CTSD: variants seen among roughly 807,000 people sequenced by gnomAD.
CTSD encodes cathepsin D.
Under a neutral mutation model 43.6 loss-of-function variants are expected in CTSD, and 28 were observed. The ratio of observed to expected loss-of-function variants is 0.64; its 90% CI spans 0.48 to 0.88. The LOEUF (loss-of-function observed/expected upper bound fraction) is 0.88, where lower values mean the gene tolerates loss of function less well. Among genes scored for constraint, CTSD ranks in the 40% least tolerant of loss-of-function variants. The pLI is 0.00. For missense variants in CTSD, 485 were observed against 555.2 expected, an observed-to-expected ratio of 0.87 and a Z score of 1.27; for synonymous variants, 270 against 249.8, an observed-to-expected ratio of 1.08 and a Z score of -0.76.
chr11:1,755,726 G>A (rs1845801370), intron 5 of CTSD, among the ~76,000 whole-genome samples: 1 of 152,166 alleles, frequency 6.6e-6, no homozygotes, highest in African/African-American at 2.4e-5. Flanking sequence ...CCGCCAGAGC[G>A]TCTGCAGCTA....
chr11:1,756,156 C>T (rs1305966880), intron 5 of CTSD, among the ~76,000 whole-genome samples: 1 of 152,094 alleles, frequency 6.6e-6, no homozygotes, highest in East Asian at 1.9e-4. Context: ...GCCCCTCCCC[C>T]ACATGGGCAT....
At chr11:1,762,955 C>T (rs1845900614) in intron 1 of CTSD, 1 of 152,512 alleles carries the variant, frequency 6.6e-6, no homozygotes, top group East Asian at 1.9e-4. Flanking sequence ...CATCGCAGAT[C>T]CCAGGTCTCC....
Position 1,757,402 on chromosome 11 carries a change from T to C in CTSD, c.626A>G (p.Asn209Ser), listed in dbSNP as rs1261670405. ...GTTGTCGAAGACGGGCAGCACGTTG[T>C]TGACGGAGATGCGGGGGTAGGCCAT... The part of the protein sequence containing the change: ...LGMAYPRISV[N>S]NVLPVFDNLM... The change falls in exon 5 of 9, where the codon AAC becomes AGC. Residue 209 changes from asparagine (N) to serine (S), a missense_variant. Coordinates refer to ENST00000236671, the MANE Select transcript of CTSD (RefSeq NM_001909.5). 1 of 1,614,048 alleles carries C rather than the reference T, an allele frequency of 6.2e-7. No individual in the cohort carries two copies.
chr11:1,753,723 C>A, intron 8 of CTSD, 53 bp from the exon 9 acceptor site: 4 of 1,609,872 alleles, frequency 2.5e-6, no homozygotes, highest in Non-Finnish European at 3.4e-6. Context: ...CGCCCCCCCA[C>A]CTGTTGCCCG....
chr11:1,760,974 C>A, intron 2 of CTSD: 1 of 385,410 alleles, frequency 2.6e-6, no homozygotes, highest in Non-Finnish European at 5.0e-6. Flanking sequence ...CACAGGCCTC[C>A]CAGCAGGACA....
intron 1 of CTSD, chr11:1,763,511 G>A: frequency 2.3e-6 from 1 of 431,064 alleles, no homozygotes; most frequent in Non-Finnish European, 4.1e-6. Context: ...TCTCCAGGGA[G>A]GCTGCGGTCA....
At chr11:1,759,707 C>T in intron 2 of CTSD, 68 bp from the exon 3 acceptor site, 8 of 1,527,234 alleles carry the variant, frequency 5.2e-6, no homozygotes, top group Non-Finnish European at 7.1e-6. Flanking sequence ...CCTCAGAAGG[C>T]CCGGCTGTCC....
intron 6 of CTSD, 153 bp downstream of exon 6, chr11:1,754,753 G>C: frequency 1.1e-6 from 1 of 923,106 alleles, no homozygotes; most frequent in Non-Finnish European, 1.7e-6. Flanking sequence ...GCAAGGAGGG[G>C]CATGGAGGGC....
At chr11:1,761,146 G>C (rs1845870725) in intron 2 of CTSD, 163 bp downstream of exon 2, 2 of 733,938 alleles carry the variant, frequency 2.7e-6, no homozygotes, top group East Asian at 2.7e-5. Flanking sequence ...GGAGGTTCCA[G>C]AATGGGGAAG....
chr11:1,759,643 GC>G lies in CTSD; in HGVS notation c.229-5del, dbSNP rs1360802061. ...CAATCTCCCCGTAGTACTGGGCCTG[GC>G]AGGGGACAGGGTCCGTCAGGGATGG... On this transcript the variant is annotated splice_region_variant and splice_polypyrimidine_tract_variant and intron_variant, in intron 2 of 8. Coordinates refer to ENST00000236671, the MANE Select transcript of CTSD (RefSeq NM_001909.5). The G allele has an allele frequency of 6.2e-7, 1 of 1,611,850 alleles. No individual in the cohort carries two copies. Among genetic ancestry groups the G allele is most frequent in the Non-Finnish European group, 8.5e-7 (1 of 1,179,068 alleles).
chr11:1,753,742 G>A (rs1424974315), intron 8 of CTSD, 61 bp downstream of exon 8: 4 of 1,609,480 alleles, frequency 2.5e-6, no homozygotes, highest in Admixed American at 1.7e-5. Context: ...CGCTCACCTG[G>A]AGCGTGCGCC....
chr11:1,754,533 AGGG>A lies in CTSD; in HGVS notation c.827+370_827+372del, dbSNP rs1845780438. 4.7e-4 allele frequency among the ~76,000 whole-genome samples: 9 copies of A among 18,968 alleles called. 1 individual carries two copies. The highest frequency in any genetic ancestry group is 1.8e-3 in the African/African-American group (7 of 3,926). 12.4% of individuals were successfully genotyped at this position (18,968 alleles called of 152,430 possible). On this transcript the variant is annotated intron_variant, in intron 6 of 8. Coordinates refer to ENST00000236671, the MANE Select transcript of CTSD (RefSeq NM_001909.5). Reference sequence around the variant, plus strand: ...AGGGATGGAGGGATGGAGGGGATGGAGGGATGGAGGGATGGAGGGGATGGAGGG... The same window carrying A: ...AGGGATGGAGGGATGGAGGGGATGGAATGGAGGGATGGAGGGGATGGAGGG...
chr11:1,755,205 C>A (rs751874589), intron 5 of CTSD, 177 bp from the exon 6 acceptor site: 51 of 755,010 alleles, frequency 6.8e-5, no homozygotes, highest in Non-Finnish European at 1.1e-4. Flanking sequence ...TCCCTTCTTC[C>A]CGGGGTAGGG....
chr11:1,754,386 GAGGGATGGAGGGGATGGAGGGGATGA>G lies in CTSD; in HGVS notation c.828-274_828-249del, dbSNP rs1185802560. 329 of 566,696 alleles carry G rather than the reference GAGGGATGGAGGGGATGGAGGGGATGA, an allele frequency of 5.8e-4. 3 individuals are homozygous for G. Among genetic ancestry groups the G allele is most frequent in the Middle Eastern group, 3.3e-3 (7 of 2,106 alleles). The allele number at this position is 566,696 out of a possible 1,614,324, so 35.1% of individuals were successfully genotyped here. ...GGGATGGAGGGGATGGAGGGGCATA[GAGGGATGGAGGGGATGGAGGGGATGA>G]AGGGATGGAGGGGCATGGAGGGATG... On this transcript the variant is annotated intron_variant, in intron 6 of 8. Coordinates refer to ENST00000236671, the MANE Select transcript of CTSD (RefSeq NM_001909.5).
chr11:1,760,620 G>A (rs1251016999), intron 2 of CTSD: 2 of 154,598 alleles, frequency 1.3e-5, no homozygotes, highest in South Asian at 1.9e-4. Context: ...ATCAGGAACT[G>A]GCCAGTCGGG....
intron 5 of CTSD, 178 bp from the exon 6 acceptor site, chr11:1,755,206 C>G: frequency 1.3e-6 from 1 of 741,566 alleles, no homozygotes; most frequent in Admixed American, 2.1e-5. Context: ...CCCTTCTTCC[C>G]GGGGTAGGGC....
In CTSD at chr11:1,763,848, G is replaced by A. The variant is rs751927954; in HGVS notation, c.12C>T (p.Ser4=). 5.2e-6 allele frequency: 8 copies of A among 1,526,062 alleles called. No individual in the cohort carries two copies. The South Asian group carries it at 7.3e-5, about 14-fold the overall frequency. The allele number at this position is 1,526,062 out of a possible 1,614,324, so 94.5% of individuals were successfully genotyped here. A position where few individuals can be genotyped will look rare whatever the true frequency, so the allele number is the denominator to read the frequency against. The change falls in exon 1 of 9, where the codon TCC becomes TCT. Residue 4 remains serine (S), a synonymous_variant. Transcript: ENST00000236671. MQP[S]SLLPLALCLL... is the part of the protein sequence containing the mutation. ...GGCAGAGGGCGAGCGGCAGAAGGCTGGAGGGCTGCATGGCGGCGGCGGCCG... is the reference window on the plus strand; with the variant it reads ...GGCAGAGGGCGAGCGGCAGAAGGCTAGAGGGCTGCATGGCGGCGGCGGCCG...
intron 7 of CTSD, 31 bp from the exon 8 acceptor site, chr11:1,753,932 T>C: frequency 6.2e-7 from 1 of 1,612,230 alleles, no homozygotes; most frequent in Non-Finnish European, 8.5e-7. Context: ...GTCAGGGTGG[T>C]AGTGGTGGCC....
intron 4 of CTSD, among the ~76,000 whole-genome samples, chr11:1,757,811 G>A (rs527643640): frequency 4.6e-5 from 7 of 152,292 alleles, no homozygotes; most frequent in East Asian, 3.9e-4. Context: ...GAGCACAGAC[G>A]GGCAGGCCCC....
Sources: gnomAD v4.1 joint callset for allele counts (sites outside exome capture counted in the v4.1 genomes callset) on GRCh38, gnomAD v4.1.1 for gene constraint, MANE v1.5 for transcripts, NCBI Gene and HGNC (gene_info 2026-07-23, HGNC 2026-07-21) for gene names.